Variants in MAN2A1 observed in about 807,000 individuals in gnomAD.
MAN2A1 encodes the protein alpha-mannosidase 2.
Under a neutral mutation model 142.6 loss-of-function variants are expected in MAN2A1, and 76 were observed. The ratio of observed to expected loss-of-function variants is 0.53; its 90% CI spans 0.44 to 0.65. The LOEUF (loss-of-function observed/expected upper bound fraction) is 0.65. Ranked by LOEUF, MAN2A1 falls within the 30% of genes least tolerant of loss-of-function variation. The pLI, the probability that MAN2A1 is intolerant of heterozygous loss-of-function variation, is 0.00. For synonymous variants in MAN2A1, 559 were observed against 473.2 expected (o/e 1.18, Z -2.35); for missense variants, 1,311 against 1,365.1 (o/e 0.96, Z 0.62).
chr5:109,763,859 T>G (rs2112640554), intron 5 of MAN2A1, among the ~76,000 whole-genome samples: 1 of 152,080 alleles, frequency 6.6e-6, no homozygotes, highest in African/African-American at 2.4e-5. Context: ...TGGAGCACAC[T>G]GGCGCCATCT....
At chr5:109,731,710 C>T (rs1188082945) in intron 4 of MAN2A1, among the ~76,000 whole-genome samples, 1 of 151,884 alleles carries the variant, frequency 6.6e-6, no homozygotes, top group Non-Finnish European at 1.5e-5. Flanking sequence ...TTTATGGCTG[C>T]ATAGTATTCC....
Position 109,817,351 on chromosome 5 carries a change from A to G in MAN2A1, c.2022A>G (p.Gln674=), listed in dbSNP as rs2112721391. ...TCTATGTGAGTTCCCCGACAGTGCA[A>G]GTGTTCTCTGCTTCAGGAAAACCTG... ...VSVYVSSPTV[Q]VFSASGKPVE... Residue 674 remains glutamine, a synonymous_variant, in exon 13 of 22, where the codon CAA becomes CAG. Coordinates refer to ENST00000261483, the MANE Select transcript of MAN2A1 (RefSeq NM_002372.4). 2 of 1,614,108 alleles carry G rather than the reference A, an allele frequency of 1.2e-6. No individual in the cohort carries two copies. The highest frequency in any genetic ancestry group is 2.2e-5 in the East Asian group (1 of 44,882).
rs750834789 is a variant in MAN2A1, at chr5:109,842,436, T to A, written c.2675T>A (p.Phe892Tyr). ...TCTGATATAAAAAGCCAAAATAGAT[T>A]TTATACTGACCTAAATGGGTACCAG... ...ISSDIKSQNRFYTDLNGYQIQ... is the reference protein window; with the variant it reads ...ISSDIKSQNRYYTDLNGYQIQ... Residue 892 changes from phenylalanine to tyrosine, a missense_variant, in exon 17 of 22, where the codon TTT becomes TAT. By Grantham distance (22) the Phe-to-Tyr change is conservative. Coordinates refer to ENST00000261483, the MANE Select transcript of MAN2A1 (RefSeq NM_002372.4). 3.8e-6 allele frequency: 6 copies of A among 1,578,806 alleles called. No homozygotes were observed. The highest frequency in any genetic ancestry group is 5.2e-6 in the Non-Finnish European group (6 of 1,151,466).
At chr5:109,692,746 G>A (rs76834154) in intron 1 of MAN2A1, among the ~76,000 whole-genome samples, 8,346 of 147,660 alleles carry the variant, frequency 0.057, 267 homozygotes, top group Non-Finnish European at 0.077. Context: ...AACCTTTTTG[G>A]TACCAGGGAC....
intron 1 of MAN2A1, among the ~76,000 whole-genome samples, chr5:109,702,111 C>T (rs548134102): frequency 1.1e-4 from 16 of 152,198 alleles, no homozygotes; most frequent in Non-Finnish European, 1.5e-4. Context: ...TATTTTGTAG[C>T]AGATGTTAAT....
At chr5:109,701,183 G>A (rs138197455) in intron 1 of MAN2A1, among the ~76,000 whole-genome samples, 2 of 152,272 alleles carry the variant, frequency 1.3e-5, no homozygotes, top group African/African-American at 4.8e-5. Flanking sequence ...AAAGACAAAG[G>A]CCTTAAAGAG....
chr5:109,779,899 A>G (rs1188422213), intron 8 of MAN2A1, among the ~76,000 whole-genome samples: 4 of 152,122 alleles, frequency 2.6e-5, no homozygotes, highest in Non-Finnish European at 5.9e-5. Flanking sequence ...ATAATCATCT[A>G]TTTTGCTGTA....
chr5:109,855,160 C>A lies in MAN2A1; in HGVS notation c.2997C>A (p.Val999=). 6.4e-7 allele frequency: 1 copy of A among 1,552,092 alleles called. No individual in the cohort carries two copies. ...GATAGGAAGAAGAAAAGAAGTCGGT[C>A]AGTTATCCTTCTCTCCTTAGCCACA... ...AVNTEEEKKS[V]SYPSLLSHIT... is the part of the protein sequence containing the mutation. Residue 999 remains valine (V), a synonymous_variant, in exon 20 of 22, where the codon GTC becomes GTA. Transcript: ENST00000261483.
intron 17 of MAN2A1, among the ~76,000 whole-genome samples, chr5:109,843,783 A>G (rs1561540094): frequency 6.6e-6 from 1 of 152,200 alleles, no homozygotes; most frequent in Non-Finnish European, 1.5e-5. Context: ...ATTGTTACCT[A>G]AATCTCTGTT....
At chr5:109,697,232 T>C (rs1301135814) in intron 1 of MAN2A1, among the ~76,000 whole-genome samples, 2 of 152,236 alleles carry the variant, frequency 1.3e-5, no homozygotes, top group East Asian at 3.8e-4. Context: ...TACTTTTCAG[T>C]GTATTGTTTT....
intron 1 of MAN2A1, among the ~76,000 whole-genome samples, chr5:109,699,321 T>A (rs1750906418): frequency 6.6e-6 from 1 of 152,166 alleles, no homozygotes; most frequent in Non-Finnish European, 1.5e-5. Context: ...ACTCTGACTA[T>A]AGGTTGGTTA....
rs1330229234 is a variant in MAN2A1, at chr5:109,713,693, G to T, written c.309G>T (p.Leu103=). The T allele has an allele frequency of 1.2e-6, 2 of 1,614,030 alleles. No homozygotes were observed. The highest frequency in any genetic ancestry group is 1.3e-5 in the African/African-American group (1 of 74,918). ...GCCAAGGTGCTGGCTCACATCTTCT[G>T]CCCTCACAATTATCCCTCTCAGTTG... is the stretch of plus-strand genomic sequence containing the variant. ...NFSQGAGSHL[L]PSQLSLSVDT... The change falls in exon 2 of 22, where the codon CTG becomes CTT. Residue 103 remains leucine, a synonymous_variant. Transcript: ENST00000261483.
chr5:109,821,782 A>G (rs753322952), intron 15 of MAN2A1, among the ~76,000 whole-genome samples: 6 of 152,204 alleles, frequency 3.9e-5, no homozygotes, highest in Middle Eastern at 3.4e-3. Flanking sequence ...TGAGCACTCT[A>G]TATGTGGTAA....
chr5:109,735,878 G>GTTTTTT (rs35796131), intron 4 of MAN2A1, among the ~76,000 whole-genome samples: 7 of 98,394 alleles, frequency 7.1e-5, no homozygotes, highest in East Asian at 3.7e-4. Flanking sequence ...TTCCATTGGA[G>GTTTTTT]TTTTTTTTTT....
At chr5:109,833,064 C>G (rs1356848520) in intron 16 of MAN2A1, among the ~76,000 whole-genome samples, 4 of 151,574 alleles carry the variant, frequency 2.6e-5, no homozygotes, top group African/African-American at 9.7e-5. Context: ...CCCCACATCT[C>G]AGACGATGGG....
At chr5:109,760,343 A>G (rs1048063556) in intron 5 of MAN2A1, among the ~76,000 whole-genome samples, 2 of 152,020 alleles carry the variant, frequency 1.3e-5, no homozygotes, top group African/African-American at 4.8e-5. Flanking sequence ...ATAATATTCC[A>G]TGGTGTATAT....
intron 19 of MAN2A1, among the ~76,000 whole-genome samples, chr5:109,852,254 A>G (rs780165299): frequency 6.6e-6 from 1 of 151,882 alleles, no homozygotes; most frequent in African/African-American, 2.4e-5. Flanking sequence ...TTATGATTCA[A>G]TGTATTATTC....
intron 1 of MAN2A1, among the ~76,000 whole-genome samples, chr5:109,700,751 C>G (rs1750956763): frequency 6.6e-6 from 1 of 152,182 alleles, no homozygotes; most frequent in South Asian, 2.1e-4. Flanking sequence ...CACACATAAA[C>G]TAGACCTCAG....
At position 109,719,894 on chromosome 5, in the gene MAN2A1, G is replaced by A. The variant is rs1011838573; in HGVS notation, c.535+3630G>A. 2.0e-5 allele frequency among the ~76,000 whole-genome samples: 3 copies of A among 152,168 alleles called. No homozygotes were observed. In the East Asian group the frequency reaches 5.8e-4, roughly 29 times the overall value. Reference sequence around the variant, plus strand: ...CTAACAATTGTCATAAAATATTTAAGTGTTTTACATGAGTAAAAACTGAAT... The same window carrying A: ...CTAACAATTGTCATAAAATATTTAAATGTTTTACATGAGTAAAAACTGAAT... On this transcript the variant is annotated intron_variant, in intron 3 of 21. Coordinates refer to ENST00000261483, the MANE Select transcript of MAN2A1 (RefSeq NM_002372.4).
Sources: allele counts gnomAD v4.1 joint callset (sites outside exome capture counted in the v4.1 genomes callset), GRCh38; gene constraint gnomAD v4.1.1; transcripts MANE v1.5; gene names NCBI Gene and HGNC (gene_info 2026-07-23, HGNC 2026-07-21).